Variants in CSNK1G3 observed in about 807,000 individuals in gnomAD.
CSNK1G3 encodes the protein casein kinase 1 gamma 3, also known as casein kinase I isoform gamma-3.
In CSNK1G3, 23 loss-of-function variants were observed where a neutral mutation model predicts 64.3. The ratio of observed to expected loss-of-function variants is 0.36; its 90% CI spans 0.26 to 0.51. CSNK1G3 has a LOEUF of 0.51. Among genes scored for constraint, CSNK1G3 ranks in the 20% least tolerant of loss-of-function variants. The pLI is 0.96. For synonymous variants in CSNK1G3, 158 were observed against 162.2 expected (o/e 0.97, Z 0.20); for missense variants, 357 against 510.5 (o/e 0.70, Z 2.90).
chr5:123,524,492 T>C (rs1022235720), intron 1 of CSNK1G3, among the ~76,000 whole-genome samples: 4 of 152,212 alleles, frequency 2.6e-5, no homozygotes, highest in African/African-American at 9.6e-5. Flanking sequence ...GCAATCCCTC[T>C]GTTTTAGTTT....
intron 1 of CSNK1G3, among the ~76,000 whole-genome samples, chr5:123,517,134 C>T (rs959027962): frequency 2.0e-5 from 3 of 152,118 alleles, no homozygotes; most frequent in African/African-American, 4.8e-5. Context: ...CAAAGACTCT[C>T]GGGAACACCC....
intron 10 of CSNK1G3, among the ~76,000 whole-genome samples, chr5:123,603,211 A>G (rs1794785842): frequency 6.6e-6 from 1 of 152,152 alleles, no homozygotes; most frequent in South Asian, 2.1e-4. Flanking sequence ...ACTGATTGCA[A>G]GGAGTAAAGG....
chr5:123,542,922 T>G (rs1439359342), intron 1 of CSNK1G3, among the ~76,000 whole-genome samples: 1 of 119,450 alleles, frequency 8.4e-6, no homozygotes, highest in Non-Finnish European at 1.8e-5. Flanking sequence ...CTATTATTCG[T>G]TTTTTTTTTT....
intron 10 of CSNK1G3, among the ~76,000 whole-genome samples, chr5:123,597,680 AATT>A (rs71574110): frequency 0.094 from 14,351 of 152,114 alleles, 862 homozygotes; most frequent in Non-Finnish European, 0.13. Context: ...GCCTTTCCAG[AATT>A]ATTATATAGC....
intron 1 of CSNK1G3, among the ~76,000 whole-genome samples, chr5:123,530,599 AATTG>A (rs1247810017): frequency 1.3e-4 from 20 of 152,164 alleles, no homozygotes; most frequent in African/African-American, 4.8e-4. Context: ...AGACCCATTA[AATTG>A]ATTAAGTGGC....
chr5:123,574,523 A>G (rs987009327), intron 5 of CSNK1G3, among the ~76,000 whole-genome samples: 1 of 152,182 alleles, frequency 6.6e-6, no homozygotes, highest in Non-Finnish European at 1.5e-5. Context: ...AGTGCATATT[A>G]AAGATTGTTT....
intron 11 of CSNK1G3, 53 bp from the exon 13 acceptor site, chr5:123,605,286 T>G: frequency 8.2e-6 from 12 of 1,457,114 alleles, no homozygotes; most frequent in South Asian, 1.3e-5. Flanking sequence ...CTGTTTCTGA[T>G]TCTCTCTCTC....
At chr5:123,522,377 C>T (rs987841058) in intron 1 of CSNK1G3, among the ~76,000 whole-genome samples, 2 of 152,048 alleles carry the variant, frequency 1.3e-5, no homozygotes, top group African/African-American at 4.8e-5. Flanking sequence ...GTGGCACACG[C>T]CTGTCGTCCC....
At chr5:123,513,973 C>G (rs1016657808) in intron 1 of CSNK1G3, among the ~76,000 whole-genome samples, 2 of 151,804 alleles carry the variant, frequency 1.3e-5, no homozygotes, top group African/African-American at 4.8e-5. Context: ...TTGTCTTATT[C>G]TTTTGTATAG....
intron 10 of CSNK1G3, among the ~76,000 whole-genome samples, chr5:123,594,653 C>A (rs1326593504): frequency 6.6e-6 from 1 of 152,144 alleles, no homozygotes; most frequent in Non-Finnish European, 1.5e-5. Context: ...GTGATGACAT[C>A]TACTGTGTAA....
intron 7 of CSNK1G3, 82 bp from the exon 8 acceptor site, chr5:123,588,343 CTG>C: frequency 8.2e-7 from 1 of 1,223,768 alleles, no homozygotes; most frequent in Non-Finnish European, 1.2e-6. Flanking sequence ...TTCCAAAGCT[CTG>C]TGATTACAGG....
chr5:123,593,715 A>G (rs953497344), intron 10 of CSNK1G3, among the ~76,000 whole-genome samples: 2 of 152,150 alleles, frequency 1.3e-5, no homozygotes, highest in African/African-American at 4.8e-5. Flanking sequence ...TAACGAAAAG[A>G]CATTATAGAA....
chr5:123,525,997 C>CAA (rs775868312), intron 1 of CSNK1G3, among the ~76,000 whole-genome samples: 3 of 56,452 alleles, frequency 5.3e-5, no homozygotes, highest in Admixed American at 4.0e-4. Flanking sequence ...GACTCCGTCT[C>CAA]AAAAAAAAAA....
chr5:123,603,985 C>G (rs1165512862), intron 10 of CSNK1G3, among the ~76,000 whole-genome samples: 1 of 151,926 alleles, frequency 6.6e-6, no homozygotes, highest in Admixed American at 6.6e-5. Flanking sequence ...AAAGGAGCAC[C>G]CTGATTGCTG....
At chr5:123,554,419 G>A (rs1049596140) in intron 3 of CSNK1G3, among the ~76,000 whole-genome samples, 8 of 152,054 alleles carry the variant, frequency 5.3e-5, no homozygotes, top group Non-Finnish European at 8.8e-5. Context: ...CTAATAATGA[G>A]GTATTTTACA....
chr5:123,516,927 G>T (rs1182753974), intron 1 of CSNK1G3, among the ~76,000 whole-genome samples: 1 of 152,028 alleles, frequency 6.6e-6, no homozygotes, highest in African/African-American at 2.4e-5. Context: ...TCAGTTGATA[G>T]CTACATTTGG....
At chr5:123,562,214 A>G (rs1785884802) in intron 4 of CSNK1G3, among the ~76,000 whole-genome samples, 1 of 152,168 alleles carries the variant, frequency 6.6e-6, no homozygotes, top group African/African-American at 2.4e-5. Context: ...CCTGCTTAGC[A>G]ATGCATTTTC....
intron 1 of CSNK1G3, among the ~76,000 whole-genome samples, chr5:123,513,382 C>T (rs1021716174): frequency 4.6e-5 from 7 of 151,962 alleles, no homozygotes; most frequent in Non-Finnish European, 8.8e-5. Context: ...CTTCTCCCAC[C>T]TCATGTTTTA....
chr5:123,549,373 G>T (rs915318554), intron 2 of CSNK1G3, among the ~76,000 whole-genome samples: 1 of 152,146 alleles, frequency 6.6e-6, no homozygotes, highest in Non-Finnish European at 1.5e-5. Flanking sequence ...CCCCTCCAGA[G>T]GTTAGCCAAT....
Sources: allele counts gnomAD v4.1 joint callset (sites outside exome capture counted in the v4.1 genomes callset), GRCh38; gene constraint gnomAD v4.1.1; transcripts MANE v1.5; gene names NCBI Gene and HGNC (gene_info 2026-07-23, HGNC 2026-07-21).